Variants in TRERF1 observed in about 807,000 individuals in gnomAD.
TRERF1 encodes transcriptional-regulating factor 1.
A neutral mutation model predicts 122.9 loss-of-function variants in TRERF1; 27 were observed. That is an observed-to-expected ratio of 0.22 (90% CI 0.16 to 0.30). The LOEUF (loss-of-function observed/expected upper bound fraction) is 0.30, where lower values mean the gene tolerates loss of function less well. Among genes scored for constraint, TRERF1 ranks in the 10% least tolerant of loss-of-function variants. The pLI is 1.00. For missense variants in TRERF1, 1,248 were observed against 1,560.3 expected (o/e 0.80, Z 3.37); for synonymous variants, 636 against 641.7 (o/e 0.99, Z 0.13).
At chr6:42,349,312 C>T (rs2150803923) in intron 3 of TRERF1, among the ~76,000 whole-genome samples, 1 of 151,932 alleles carries the variant, frequency 6.6e-6, no homozygotes, top group South Asian at 2.1e-4. Flanking sequence ...GGTTTTGGGG[C>T]ATCTCAGCTG....
chr6:42,318,949 G>A (rs1762946696), intron 3 of TRERF1, among the ~76,000 whole-genome samples: 3 of 152,232 alleles, frequency 2.0e-5, no homozygotes, highest in Admixed American at 2.0e-4. Context: ...CCTGCAGCAA[G>A]GTGGAACTCC....
At chr6:42,296,270 C>T (rs910375963) in intron 4 of TRERF1, among the ~76,000 whole-genome samples, 1 of 152,206 alleles carries the variant, frequency 6.6e-6, no homozygotes, top group Non-Finnish European at 1.5e-5. Flanking sequence ...TAAAAACACC[C>T]CAGTTCAAAG....
chr6:42,392,011 G>C (rs1409972892), intron 2 of TRERF1, among the ~76,000 whole-genome samples: 1 of 152,188 alleles, frequency 6.6e-6, no homozygotes, highest in African/African-American at 2.4e-5. Flanking sequence ...CTGAAGCCCA[G>C]CTTCACCCCA....
chr6:42,390,680 G>A (rs754047879), intron 2 of TRERF1, among the ~76,000 whole-genome samples: 3 of 152,148 alleles, frequency 2.0e-5, no homozygotes, highest in Non-Finnish European at 2.9e-5. Context: ...ACAACCGCCC[G>A]GCCCTCAGGA....
chr6:42,376,532 A>C (rs1774900384), intron 2 of TRERF1, among the ~76,000 whole-genome samples: 2 of 148,134 alleles, frequency 1.4e-5, no homozygotes, highest in South Asian at 4.2e-4. Context: ...CTTTTCGTCT[A>C]ATTCTTTTTT....
At chr6:42,246,678 A>G (rs1415763982) in intron 13 of TRERF1, 134 bp from the exon 14 acceptor site, 3 of 576,970 alleles carry the variant, frequency 5.2e-6, no homozygotes, top group Non-Finnish European at 8.8e-6. Context: ...CATTTGAACA[A>G]AAAGATAGTG....
At chr6:42,366,198 T>G (rs1772698004) in intron 2 of TRERF1, among the ~76,000 whole-genome samples, 2 of 152,196 alleles carry the variant, frequency 1.3e-5, no homozygotes, top group Non-Finnish European at 2.9e-5. Flanking sequence ...CTAGCTTCTC[T>G]GGGCAAGAGC....
At chr6:42,254,773 G>T (rs1776428895) in intron 13 of TRERF1, 78 bp downstream of exon 13, 5 of 1,342,096 alleles carry the variant, frequency 3.7e-6, no homozygotes, top group Non-Finnish European at 5.4e-6. Context: ...GTTATCCATT[G>T]CTAGAAAGTG....
chr6:42,303,462 G>T (rs1184818375), intron 3 of TRERF1, among the ~76,000 whole-genome samples: 1 of 152,156 alleles, frequency 6.6e-6, no homozygotes, highest in Non-Finnish European at 1.5e-5. Flanking sequence ...AGAGAGCAAG[G>T]GTGCTGCTGG....
At chr6:42,347,175 C>T (rs775048022) in intron 3 of TRERF1, among the ~76,000 whole-genome samples, 3 of 152,172 alleles carry the variant, frequency 2.0e-5, no homozygotes, top group Non-Finnish European at 4.4e-5. Flanking sequence ...GGTTGGCACA[C>T]TCAGCTCTTG....
intron 3 of TRERF1, among the ~76,000 whole-genome samples, chr6:42,306,464 C>T (rs991582635): frequency 6.6e-6 from 1 of 152,210 alleles, no homozygotes; most frequent in African/African-American, 2.4e-5. Flanking sequence ...AGCACAGAAG[C>T]TTGGGCCTTT....
At chr6:42,376,625 G>T (rs546984105) in intron 2 of TRERF1, among the ~76,000 whole-genome samples, 6 of 138,952 alleles carry the variant, frequency 4.3e-5, no homozygotes, top group Non-Finnish European at 6.0e-5. Context: ...TCACTGCAAC[G>T]TCTGCCTCTC....
chr6:42,442,204 G>C (rs1304939052), intron 2 of TRERF1, among the ~76,000 whole-genome samples: 2 of 151,864 alleles, frequency 1.3e-5, no homozygotes, highest in African/African-American at 4.8e-5. Flanking sequence ...ACAACAGAGG[G>C]AACTCAAACG....
intron 3 of TRERF1, among the ~76,000 whole-genome samples, chr6:42,318,736 A>G (rs1329208771): frequency 6.6e-6 from 1 of 152,266 alleles, no homozygotes; most frequent in African/African-American, 2.4e-5. Flanking sequence ...AGCTGCAACA[A>G]GCAGAGTTCA....
intron 3 of TRERF1, among the ~76,000 whole-genome samples, chr6:42,339,897 G>T (rs1057489476): frequency 2.0e-5 from 3 of 152,192 alleles, no homozygotes; most frequent in Non-Finnish European, 4.4e-5. Flanking sequence ...TTTTAATGCT[G>T]AATAAGATTT....
At chr6:42,304,988 C>G (rs1786913514) in intron 3 of TRERF1, among the ~76,000 whole-genome samples, 4 of 152,300 alleles carry the variant, frequency 2.6e-5, no homozygotes, top group South Asian at 2.1e-4. Context: ...GGGAGGTGAA[C>G]AGCTACTATA....
At chr6:42,256,466 A>G (rs978575169) in intron 12 of TRERF1, among the ~76,000 whole-genome samples, 19 of 152,168 alleles carry the variant, frequency 1.2e-4, no homozygotes, top group African/African-American at 4.1e-4. Flanking sequence ...TGTGGAAAAG[A>G]AATTCTAATG....
At chr6:42,295,231 A>AT (rs1784898603) in intron 4 of TRERF1, among the ~76,000 whole-genome samples, 1 of 152,158 alleles carries the variant, frequency 6.6e-6, no homozygotes, top group Non-Finnish European at 1.5e-5. Context: ...ACTTCAAATA[A>AT]TTTTTTGGTG....
intron 3 of TRERF1, among the ~76,000 whole-genome samples, chr6:42,301,857 G>A (rs2150256797): frequency 6.6e-6 from 1 of 152,324 alleles, no homozygotes; most frequent in East Asian, 1.9e-4. Flanking sequence ...TGTTCAGAGA[G>A]GGAGGCTAGA....
Sources: allele counts gnomAD v4.1 joint callset (sites outside exome capture counted in the v4.1 genomes callset), GRCh38; gene constraint gnomAD v4.1.1; transcripts MANE v1.5; gene names NCBI Gene and HGNC (gene_info 2026-07-23, HGNC 2026-07-21).